The following ODF2 variants were observed in gnomAD, a reference collection of about 807,000 sequenced individuals.
ODF2 encodes outer dense fiber of sperm tails 2.
ODF2 carries 47 observed loss-of-function variants against 110.2 expected under a neutral mutation model. The ratio of observed to expected loss-of-function variants is 0.43; its 90% confidence interval spans 0.34 to 0.54. ODF2 has a LOEUF of 0.54. Among genes scored for constraint, ODF2 ranks in the 20% least tolerant of loss-of-function variants. The pLI, the probability that ODF2 is intolerant of heterozygous loss-of-function variation, is 0.03. For missense variants in ODF2, 812 were observed against 1,054.5 expected (o/e 0.77, Z 3.19); for synonymous variants, 352 against 397.7 (o/e 0.89, Z 1.37).
intron 4 of ODF2, among the ~76,000 whole-genome samples, chr9:128,466,019 A>G (rs959904846): frequency 6.6e-6 from 1 of 151,068 alleles, no homozygotes; most frequent in South Asian, 2.1e-4. Context: ...CGCGCCACCA[A>G]TATCAGCTAC....
exon 18 of ODF2, chr9:128,496,121 G>C (rs770294477): frequency 6.2e-7 from 1 of 1,613,990 alleles, no homozygotes. Flanking sequence ...AGCTGAGTCT[G>C]AAGGTGGATG....
chr9:128,469,038 A>G (rs1165468405), intron 4 of ODF2, 145 bp from the exon 5 acceptor site: 2 of 648,034 alleles, frequency 3.1e-6, no homozygotes, highest in Admixed American at 2.9e-5. Context: ...TTCCATCACA[A>G]GGGTTCAGAG....
chr9:128,487,326 T>C (rs62584802), intron 13 of ODF2, among the ~76,000 whole-genome samples: 31 of 152,276 alleles, frequency 2.0e-4, no homozygotes, highest in Non-Finnish European at 4.0e-4. Flanking sequence ...AGACACATCT[T>C]AACGGACGTC....
At chr9:128,456,246 G>A (rs769747375) in exon 1 of ODF2, 2 of 1,544,732 alleles carry the variant, frequency 1.3e-6, no homozygotes, top group East Asian at 2.5e-5. Flanking sequence ...GCGCAGCCGT[G>A]TCGCTCCTGG....
chr9:128,469,443 T>A, intron 5 of ODF2, 90 bp downstream of exon 5: 7 of 1,371,636 alleles, frequency 5.1e-6, no homozygotes, highest in Non-Finnish European at 7.2e-6. Context: ...TCAGCCTGCG[T>A]CTGCAGGCCT....
intron 16 of ODF2, 59 bp downstream of exon 16, chr9:128,492,864 T>C (rs1402630531): frequency 1.4e-6 from 2 of 1,396,708 alleles, no homozygotes; most frequent in South Asian, 1.2e-5. Context: ...ACTCAATGAC[T>C]GTGAGTCTGT....
In ODF2 at chr9:128,460,584, C is replaced by T; in HGVS notation, c.124-358C>T. The T allele has an allele frequency of 1.9e-6, 3 of 1,614,008 alleles. 1 individual carries two copies. Among genetic ancestry groups the T allele is most frequent in the East Asian group, 4.5e-5 (2 of 44,878 alleles). Reference sequence around the variant, plus strand: ...ATGAAGGACCGCTCTTCAACTCCCCCCTTACATGTTCACGTGGATGAGAAC... The same window carrying T: ...ATGAAGGACCGCTCTTCAACTCCCCTCTTACATGTTCACGTGGATGAGAAC... On this transcript the variant is annotated intron_variant, in intron 3 of 20. Transcript: ENST00000604420.
At chr9:128,497,449 ATATATATAT>A (rs1845826796) in intron 18 of ODF2, 2 of 52,134 alleles carry the variant, frequency 3.8e-5, no homozygotes, top group Non-Finnish European at 6.3e-5. Flanking sequence ...AAAAAAAAAT[ATATATATAT>A]ATATATATAT....
At chr9:128,480,284 A>T (rs866309353) in intron 8 of ODF2, among the ~76,000 whole-genome samples, 5 of 152,336 alleles carry the variant, frequency 3.3e-5, no homozygotes, top group Non-Finnish European at 4.4e-5. Flanking sequence ...CAGAAGTAGT[A>T]TACATTTTAA....
At chr9:128,498,711 A>T in intron 19 of ODF2, 136 bp downstream of exon 19, 1 of 649,364 alleles carries the variant, frequency 1.5e-6, no homozygotes, top group Non-Finnish European at 2.7e-6. Flanking sequence ...TCACATTTTC[A>T]TCGTAGAGGG....
chr9:128,457,141 T>G, intron 1 of ODF2: 37 of 1,270,542 alleles, frequency 2.9e-5, no homozygotes, highest in East Asian at 2.2e-4. Flanking sequence ...TCCCCTCCCC[T>G]TCCTCCCCTC....
At chr9:128,464,981 C>T (rs1173768974) in intron 4 of ODF2, among the ~76,000 whole-genome samples, 14 of 152,166 alleles carry the variant, frequency 9.2e-5, no homozygotes. Flanking sequence ...AGGCGTGAGC[C>T]ACTGTGCCTG....
exon 20 of ODF2, chr9:128,499,025 C>A: frequency 6.2e-7 from 1 of 1,614,170 alleles, no homozygotes; most frequent in Non-Finnish European, 8.5e-7. Flanking sequence ...GGAGCACGCA[C>A]TCTCCAAGGA....
At chr9:128,484,974 G>GGT in intron 12 of ODF2, 88 bp downstream of exon 12, 2 of 1,240,076 alleles carry the variant, frequency 1.6e-6, no homozygotes, top group South Asian at 1.3e-5. Context: ...GGGTAGCGGG[G>GGT]AGGGGTGGGT....
At chr9:128,473,282 T>C (rs1316429710) in intron 7 of ODF2, 1 of 981,648 alleles carries the variant, frequency 1.0e-6, no homozygotes, top group Non-Finnish European at 1.2e-6. Flanking sequence ...GGGATCACAG[T>C]GAGTCAAGGC....
At chr9:128,474,447 C>G (rs35926821) in intron 8 of ODF2, among the ~76,000 whole-genome samples, 34 of 148,826 alleles carry the variant, frequency 2.3e-4, no homozygotes, top group Non-Finnish European at 4.2e-4. Flanking sequence ...GAGCTGAGAT[C>G]GCGTCACTGC....
At chr9:128,457,938 TA>T (rs1835338446) in intron 2 of ODF2, among the ~76,000 whole-genome samples, 2 of 70,284 alleles carry the variant, frequency 2.8e-5, no homozygotes, top group African/African-American at 1.0e-4. Context: ...TATATATATA[TA>T]TATATTTTTT....
Position 128,485,125 on chromosome 9 carries a change from C to T in ODF2, c.1290+239C>T, listed in dbSNP as rs1843120690. On this transcript the variant is annotated intron_variant, in intron 12 of 20. Transcript: ENST00000604420. This position sits in a 1 kb window ranked among gnomAD's most constrained non-coding sequence, Gnocchi z 5.0. The stretch of plus-strand genomic sequence containing the variant: ...TTGTAGGAGAGTTCAGCCACATCAG[C>T]TTTGTGGGTGAGAATAATGGTTAAG... 6.6e-6 allele frequency among the ~76,000 whole-genome samples: 1 copy of T among 152,110 alleles called. No individual in the cohort carries two copies. Among genetic ancestry groups the T allele is most frequent in the East Asian group, 1.9e-4 (1 of 5,188 alleles).
At chr9:128,489,703 C>T (rs1844151122) in intron 14 of ODF2, among the ~76,000 whole-genome samples, 1 of 152,192 alleles carries the variant, frequency 6.6e-6, no homozygotes, top group African/African-American at 2.4e-5. Context: ...TAGGTGTACA[C>T]ATTTGGTGCG....
Sources: allele counts gnomAD v4.1 joint callset (sites outside exome capture counted in the v4.1 genomes callset), GRCh38; gene constraint gnomAD v4.1.1; non-coding constraint Gnocchi (gnomAD v3.1); transcripts MANE v1.5; gene names NCBI Gene and HGNC (gene_info 2026-07-23, HGNC 2026-07-21).